Variants in MYRIP observed in about 807,000 individuals in gnomAD.
MYRIP encodes the protein rab effector MyRIP.
A neutral mutation model predicts 98.0 loss-of-function variants in MYRIP; 49 were observed. The observed-to-expected ratio is 0.50, with a 90% CI of 0.40 to 0.63. MYRIP has a LOEUF of 0.63. Among genes scored for constraint, MYRIP ranks in the 30% least tolerant of loss-of-function variants. MYRIP has a pLI of 0.00. For synonymous variants in MYRIP, 404 were observed against 409.5 expected (o/e 0.99, Z 0.16); for missense variants, 1,004 against 1,058.2 (o/e 0.95, Z 0.71).
At chr3:39,818,858 T>G (rs553109819) in intron 1 of MYRIP, among the ~76,000 whole-genome samples, 1 of 152,174 alleles carries the variant, frequency 6.6e-6, no homozygotes, top group Admixed American at 6.5e-5. Context: ...TGTAGATGGA[T>G]TGTATCTGTC....
chr3:40,175,301 A>G (rs116258685), intron 8 of MYRIP, among the ~76,000 whole-genome samples: 37 of 152,102 alleles, frequency 2.4e-4, no homozygotes, highest in African/African-American at 8.7e-4. Context: ...TGAAACAGAT[A>G]CTCATCTGTC....
chr3:40,075,215 T>C (rs532646865), intron 3 of MYRIP, among the ~76,000 whole-genome samples: 2 of 152,286 alleles, frequency 1.3e-5, no homozygotes, highest in African/African-American at 4.8e-5. Context: ...TAGAGGACAG[T>C]TTACACATAC....
intron 2 of MYRIP, among the ~76,000 whole-genome samples, chr3:39,965,177 T>C (rs148148189): frequency 2.6e-5 from 4 of 152,114 alleles, no homozygotes; most frequent in African/African-American, 4.8e-5. Flanking sequence ...TTAAACTGAT[T>C]AGTATTGCGA....
chr3:40,250,288 C>A lies in MYRIP; in HGVS notation c.2329C>A (p.Arg777Ser), dbSNP rs192146282. 6.2e-7 allele frequency: 1 copy of A among 1,614,088 alleles called. No homozygotes were observed. The highest frequency in any genetic ancestry group is 8.5e-7 in the Non-Finnish European group (1 of 1,179,964). The change falls in exon 14 of 17, where the codon CGC becomes AGC. Residue 777 changes from arginine to serine, a missense_variant. Around this residue, in one of 3 missense-constraint regions of MYRIP, gnomAD observed 108 missense variants for 111.1 expected, o/e 0.97. Coordinates refer to ENST00000302541, the MANE Select transcript of MYRIP (RefSeq NM_015460.4). ...IAGLNIAPCV[R>S]FTRRRDQKQR... is the part of the protein sequence containing the mutation. The stretch of plus-strand genomic sequence containing the variant: ...AGGATTAAACATAGCACCATGTGTG[C>A]GCTTCACAAGAAGACGGGATCAGAA...
chr3:40,158,789 G>T (rs1480480535), intron 4 of MYRIP, among the ~76,000 whole-genome samples: 1 of 146,836 alleles, frequency 6.8e-6, no homozygotes, highest in African/African-American at 2.7e-5. Context: ...TTGGTTTAAA[G>T]TATGTTTTAT....
intron 2 of MYRIP, among the ~76,000 whole-genome samples, chr3:39,923,734 T>C (rs573003931): frequency 6.6e-6 from 1 of 152,178 alleles, no homozygotes; most frequent in African/African-American, 2.4e-5. Flanking sequence ...CAATAGGCTT[T>C]CTTTATCCTT....
chr3:40,046,577 T>C (rs775343857), intron 3 of MYRIP, among the ~76,000 whole-genome samples: 2 of 146,734 alleles, frequency 1.4e-5, no homozygotes, highest in Non-Finnish European at 3.0e-5. Context: ...TAGATGGAAC[T>C]CAGTTGGAGA....
chr3:40,175,655 GAC>G (rs1176769520), intron 8 of MYRIP, among the ~76,000 whole-genome samples: 1 of 152,276 alleles, frequency 6.6e-6, no homozygotes, highest in African/African-American at 2.4e-5. Context: ...ACATATGGTA[GAC>G]AGGGTCAGCT....
At chr3:39,924,665 C>A (rs1944378204) in intron 2 of MYRIP, among the ~76,000 whole-genome samples, 1 of 152,000 alleles carries the variant, frequency 6.6e-6, no homozygotes, top group Non-Finnish European at 1.5e-5. Flanking sequence ...CTTCCCCCAA[C>A]AACAGCAGAA....
chr3:39,936,769 C>T (rs1213047115), intron 2 of MYRIP, among the ~76,000 whole-genome samples: 2 of 152,148 alleles, frequency 1.3e-5, no homozygotes, highest in Non-Finnish European at 2.9e-5. Context: ...GCTCTAATTA[C>T]TCTCTTGAGG....
At chr3:39,871,305 C>G (rs1942781690) in intron 1 of MYRIP, among the ~76,000 whole-genome samples, 1 of 152,188 alleles carries the variant, frequency 6.6e-6, no homozygotes, top group Non-Finnish European at 1.5e-5. Flanking sequence ...ATGCCAGTCA[C>G]TTAAAATTTA....
chr3:39,844,324 GGA>G (rs1941896278), intron 1 of MYRIP, among the ~76,000 whole-genome samples: 1 of 152,150 alleles, frequency 6.6e-6, no homozygotes, highest in Non-Finnish European at 1.5e-5. Flanking sequence ...AATATCCTGC[GGA>G]GCTACCCTGA....
At chr3:39,887,103 A>G (rs200657044) in intron 1 of MYRIP, among the ~76,000 whole-genome samples, 2,504 of 151,650 alleles carry the variant, frequency 0.017, 45 homozygotes, top group East Asian at 0.077. Flanking sequence ...GGTACATAAC[A>G]AAATGAAGGC....
chr3:39,889,039 G>T (rs1357387618), intron 1 of MYRIP, among the ~76,000 whole-genome samples: 6 of 152,098 alleles, frequency 3.9e-5, no homozygotes. Context: ...ACAGGTGCTG[G>T]AGAGGATGTG....
intron 2 of MYRIP, among the ~76,000 whole-genome samples, chr3:39,966,867 A>G (rs1945454980): frequency 6.6e-6 from 1 of 152,174 alleles, no homozygotes; most frequent in South Asian, 2.1e-4. Context: ...CAGAGGGCCA[A>G]GGGCCCACCA....
chr3:39,862,276 C>A (rs916130225), intron 1 of MYRIP, among the ~76,000 whole-genome samples: 19 of 151,986 alleles, frequency 1.3e-4, no homozygotes, highest in African/African-American at 4.6e-4. Context: ...CCTTTTTAGA[C>A]AAGAAAATGT....
chr3:39,888,872 A>G (rs375304771), intron 1 of MYRIP, among the ~76,000 whole-genome samples: 22 of 152,340 alleles, frequency 1.4e-4, no homozygotes, highest in East Asian at 9.6e-4. Flanking sequence ...GGCGAAGGAT[A>G]TGAACAGACA....
chr3:40,135,907 C>T (rs533428209), intron 3 of MYRIP, among the ~76,000 whole-genome samples: 33 of 152,282 alleles, frequency 2.2e-4, no homozygotes, highest in Non-Finnish European at 4.1e-4. Flanking sequence ...AAGGAACAAC[C>T]GATACCAACC....
intron 3 of MYRIP, among the ~76,000 whole-genome samples, chr3:40,063,868 A>C (rs1313603900): frequency 6.6e-6 from 1 of 152,180 alleles, no homozygotes; most frequent in East Asian, 1.9e-4. Context: ...AGGAGTAAAG[A>C]GTGCTCTGCC....
Sources: gnomAD v4.1 joint callset for allele counts (sites outside exome capture counted in the v4.1 genomes callset) on GRCh38, gnomAD v4.1.1 for gene constraint, gnomAD v4.1.1 regional missense constraint, MANE v1.5 for transcripts, NCBI Gene and HGNC (gene_info 2026-07-23, HGNC 2026-07-21) for gene names.